Variants in TGFB3 observed in about 807,000 individuals in gnomAD.
TGFB3 encodes the protein transforming growth factor beta-3 proprotein.
In TGFB3, 5 loss-of-function variants were observed where a neutral mutation model predicts 40.1. The ratio of observed to expected loss-of-function variants is 0.12; its 90% CI spans 0.07 to 0.26. TGFB3 has a LOEUF of 0.26. Among genes scored for constraint, TGFB3 ranks in the 10% least tolerant of loss-of-function variants. The pLI is 1.00. For missense variants in TGFB3, 373 were observed against 530.1 expected, an observed-to-expected ratio of 0.70 and a Z score of 2.91; for synonymous variants, 184 against 205.6, an observed-to-expected ratio of 0.89 and a Z score of 0.90.
rs554837477 is a variant in TGFB3, at chr14:75,979,227, G to A, written c.352+1315C>T. On this transcript the variant is annotated intron_variant, in intron 1 of 6. Transcript: ENST00000238682. The surrounding 1 kb of genome is among the most constrained non-coding windows in gnomAD (Gnocchi z 4.8). ...GCTCCTCTGCCTGGCGTGGAGCCGT[G>A]AACGGGGCCTTTGCACCTCCAGCCA... Among the ~76,000 whole-genome samples, 1 of 152,248 alleles carries A rather than the reference G, an allele frequency of 6.6e-6. No individual in the cohort carries two copies. Among genetic ancestry groups the A allele is most frequent in the South Asian group, 2.1e-4 (1 of 4,818 alleles).
At chr14:75,972,655 T>C (rs1253652115) in intron 1 of TGFB3, among the ~76,000 whole-genome samples, 1 of 151,720 alleles carries the variant, frequency 6.6e-6, no homozygotes, top group East Asian at 1.9e-4. Flanking sequence ...GGGGAGGAAA[T>C]GCAAATGAGT....
chr14:75,965,567 C>T (rs781087467), intron 4 of TGFB3, 21 bp downstream of exon 4: 28 of 1,590,616 alleles, frequency 1.8e-5, no homozygotes, highest in Non-Finnish European at 2.4e-5. Context: ...CCCATCCTAC[C>T]ATACACATTC....
chr14:75,964,088 C>A (rs1304393303), intron 4 of TGFB3, among the ~76,000 whole-genome samples: 1 of 152,136 alleles, frequency 6.6e-6, no homozygotes, highest in Non-Finnish European at 1.5e-5. Flanking sequence ...GTTGGCCAGG[C>A]TGGTCTCGAA....
At chr14:75,964,508 C>T (rs926899394) in intron 4 of TGFB3, among the ~76,000 whole-genome samples, 2 of 152,118 alleles carry the variant, frequency 1.3e-5, no homozygotes, top group African/African-American at 2.4e-5. Flanking sequence ...GAAAGAGTCT[C>T]AACTAAATGG....
intron 6 of TGFB3, 54 bp downstream of exon 6, chr14:75,960,869 A>G (rs2035147225): frequency 6.2e-7 from 1 of 1,611,098 alleles, no homozygotes; most frequent in Non-Finnish European, 8.5e-7. Flanking sequence ...CTTTTTAACA[A>G]GTGGTCTGGT....
At chr14:75,970,885 C>T in intron 3 of TGFB3, 2 of 494,690 alleles carry the variant, frequency 4.0e-6, no homozygotes, top group Non-Finnish European at 7.4e-6. Context: ...CACTCATTGT[C>T]ACATTGCCCT....
chr14:75,974,542 A>C (rs953620427), intron 1 of TGFB3, among the ~76,000 whole-genome samples: 11 of 151,934 alleles, frequency 7.2e-5, no homozygotes, highest in African/African-American at 2.4e-5. Flanking sequence ...CTTAGGACAC[A>C]ATTGCTAGTG....
rs558580633 is a variant in TGFB3 at position 75,980,277 on chromosome 14, TC to T, written c.352+264del. Reference sequence around the variant, plus strand: ...CAATGTAATTCCAAATTAAAATCAGTCAAGGATGTGATGTGAATTCAGCAAG... The same window carrying T: ...CAATGTAATTCCAAATTAAAATCAGTAAGGATGTGATGTGAATTCAGCAAG... On this transcript the variant is annotated intron_variant, in intron 1 of 6. Transcript: ENST00000238682. This position sits in a 1 kb window ranked among gnomAD's most constrained non-coding sequence, Gnocchi z 4.3. 6.6e-5 allele frequency among the ~76,000 whole-genome samples: 10 copies of T among 152,204 alleles called. No individual in the cohort carries two copies. Among genetic ancestry groups the T allele is most frequent in the Non-Finnish European group, 1.2e-4 (8 of 68,044 alleles).
At position 75,979,703 on chromosome 14, in the gene TGFB3, C is replaced by G. The variant is rs930624318; in HGVS notation, c.352+839G>C. On this transcript the variant is annotated intron_variant, in intron 1 of 6. Coordinates refer to ENST00000238682, the MANE Select transcript of TGFB3 (RefSeq NM_003239.5). The surrounding 1 kb of genome is among the most constrained non-coding windows in gnomAD (Gnocchi z 4.8). ...GGCAGGCTCCCAGACATATCCCCCCCCCCCACCATGCACCCACTGCCACCC... is the reference window on the plus strand; with the variant it reads ...GGCAGGCTCCCAGACATATCCCCCCGCCCCACCATGCACCCACTGCCACCC... 5.3e-5 allele frequency among the ~76,000 whole-genome samples: 8 copies of G among 150,572 alleles called. No individual in the cohort carries two copies. Among genetic ancestry groups the G allele is most frequent in the East Asian group, 3.9e-4 (2 of 5,148 alleles).
intron 4 of TGFB3, 45 bp downstream of exon 4, chr14:75,965,543 T>C (rs200111860): frequency 1.2e-5 from 19 of 1,521,914 alleles, no homozygotes; most frequent in East Asian, 2.2e-5. Flanking sequence ...TCCCATTAAC[T>C]TCCCCCCCAC....
At chr14:75,970,287 C>G (rs3917177) in intron 3 of TGFB3, among the ~76,000 whole-genome samples, 119,691 of 151,980 alleles carry the variant, frequency 0.79, 47,475 homozygotes, top group Non-Finnish European at 0.83. Context: ...GCTGGGCATG[C>G]TGGCTCACAT....
chr14:75,982,624 C>T (rs1391365326), upstream of TGFB3, among the ~76,000 whole-genome samples: 8 of 152,060 alleles, frequency 5.3e-5, no homozygotes, highest in Admixed American at 5.2e-4. This position sits in a 1 kb window ranked among gnomAD's most constrained non-coding sequence, Gnocchi z 4.0. Context: ...CGAGGCGAGG[C>T]CGCCAGTGAA....
At position 75,976,294 on chromosome 14, in the gene TGFB3, C is replaced by T. The variant is rs183749136; in HGVS notation, c.352+4248G>A. ...ACCCATTCCCCAGCAGTTCTGACTACACTGGAGTGAGTGGGGTCCACGGCA... is the reference window on the plus strand; with the variant it reads ...ACCCATTCCCCAGCAGTTCTGACTATACTGGAGTGAGTGGGGTCCACGGCA... On this transcript the variant is annotated intron_variant, in intron 1 of 6. Transcript: ENST00000238682. Among the ~76,000 whole-genome samples, 177 of 152,290 alleles carry T rather than the reference C, an allele frequency of 1.2e-3. 1 individual carries two copies. The highest frequency in any genetic ancestry group is 2.8e-4 in the Non-Finnish European group (19 of 68,036).
At position 75,958,976 on chromosome 14, in the gene TGFB3, AC is replaced by A; in HGVS notation, c.*210del. On this transcript the variant is annotated 3_prime_UTR_variant, in exon 7 of 7. Transcript: ENST00000238682. ...TTCTGAAGAGTTCAGCCTTCCTCTAACCAAACCCACACTTTCTTTACCACCG... is the reference window on the plus strand; with the variant it reads ...TTCTGAAGAGTTCAGCCTTCCTCTAACAAACCCACACTTTCTTTACCACCG... 1 of 629,684 alleles carries A rather than the reference AC, an allele frequency of 1.6e-6. No individual in the cohort carries two copies. The highest frequency in any genetic ancestry group is 2.8e-6 in the Non-Finnish European group (1 of 351,866). 39.0% of individuals were successfully genotyped at this position (629,684 alleles called of 1,614,324 possible).
rs1308793340 is a variant in TGFB3, at chr14:75,981,573, G to A, written c.-680C>T. 1.3e-5 allele frequency: 2 copies of A among 156,176 alleles called. No individual in the cohort carries two copies. Among genetic ancestry groups the A allele is most frequent in the Non-Finnish European group, 2.8e-5 (2 of 70,426 alleles). 9.7% of individuals were successfully genotyped at this position (156,176 alleles called of 1,614,324 possible). A position where few individuals can be genotyped will look rare whatever the true frequency, so the allele number is the denominator to read the frequency against. The stretch of plus-strand genomic sequence containing the variant: ...TCTCTTTTGTTTACACTTCCTCGGG[G>A]GCTTTCTAAATGACTTTGTTCACGC... On this transcript the variant is annotated 5_prime_UTR_variant, in exon 1 of 7. Coordinates refer to ENST00000238682, the MANE Select transcript of TGFB3 (RefSeq NM_003239.5). This position sits in a 1 kb window ranked among gnomAD's most constrained non-coding sequence, Gnocchi z 4.7.
chr14:75,970,862 G>A, intron 3 of TGFB3: 1 of 444,610 alleles, frequency 2.2e-6, no homozygotes, highest in East Asian at 4.8e-5. Context: ...GACCTTCCCT[G>A]TTGGACTCCA....
intron 3 of TGFB3, 179 bp downstream of exon 3, chr14:75,970,947 C>T (rs1236730951): frequency 2.3e-6 from 2 of 866,392 alleles, no homozygotes; most frequent in Non-Finnish European, 3.7e-6. Context: ...CAGGGCCTGT[C>T]TTACAGTGAG....
In TGFB3 at chr14:75,981,428, T is replaced by TA. The variant is rs71451199; in HGVS notation, c.-536dup. 1,288 of 159,242 alleles carry TA rather than the reference T, an allele frequency of 8.1e-3. 13 individuals are homozygous for TA. The highest frequency in any genetic ancestry group is 0.065 in the South Asian group (459 of 7,090). 9.9% of individuals were successfully genotyped at this position (159,242 alleles called of 1,614,324 possible). A position where few individuals can be genotyped will look rare whatever the true frequency, so the allele number is the denominator to read the frequency against. ...ATGGAAAAGAAAAGGGAAAAAAAAG[T>TA]AAAAAAAAAAAGATCACCAGTGAGT... On this transcript the variant is annotated 5_prime_UTR_variant, in exon 1 of 7. Transcript: ENST00000238682. This position sits in a 1 kb window ranked among gnomAD's most constrained non-coding sequence, Gnocchi z 4.7.
chr14:75,981,926 C>G lies in TGFB3; in HGVS notation c.-1033G>C, dbSNP rs977146315. Among the ~76,000 whole-genome samples, 1 of 139,932 alleles carries G rather than the reference C, an allele frequency of 7.1e-6. No homozygotes were observed. Among genetic ancestry groups the G allele is most frequent in the African/African-American group, 2.6e-5 (1 of 39,202 alleles). 91.8% of individuals were successfully genotyped at this position (139,932 alleles called of 152,430 possible). ...TCTCTGCTTCCCTCCCTTTCTCTCT[C>G]TCCCTCTCCCTCTCCCTCTCGCTCC... is the stretch of plus-strand genomic sequence containing the variant. On this transcript the variant is annotated 5_prime_UTR_variant, in exon 1 of 7. Coordinates refer to ENST00000238682, the MANE Select transcript of TGFB3 (RefSeq NM_003239.5). The surrounding 1 kb of genome is among the most constrained non-coding windows in gnomAD (Gnocchi z 4.7).
Sources: allele counts gnomAD v4.1 joint callset (sites outside exome capture counted in the v4.1 genomes callset), GRCh38; gene constraint gnomAD v4.1.1; non-coding constraint Gnocchi (gnomAD v3.1); transcripts MANE v1.5; gene names NCBI Gene and HGNC (gene_info 2026-07-23, HGNC 2026-07-21).